The following MRPL4 variants were observed in gnomAD, a reference collection of about 807,000 sequenced individuals.
The protein encoded by MRPL4 is large ribosomal subunit protein uL4m.
MRPL4 carries 34 observed loss-of-function variants against 34.1 expected under a neutral mutation model. That is an observed-to-expected ratio of 1.00 (90% confidence interval 0.76 to 1.33). The LOEUF (loss-of-function observed/expected upper bound fraction) is 1.33, where lower values mean the gene tolerates loss of function less well. MRPL4 is among the 40% of genes most tolerant of loss of function. The probability of loss-of-function intolerance (pLI) is 0.00; values close to 1 mark genes in which losing one functional copy is unlikely to be tolerated. For synonymous variants in MRPL4, 196 were observed against 188.3 expected, an observed-to-expected ratio of 1.04 and a Z score of -0.33; for missense variants, 402 against 434.6, an observed-to-expected ratio of 0.92 and a Z score of 0.67.
In MRPL4 at chr19:10,254,484, C is replaced by T. The variant is rs2039829818; in HGVS notation, c.276-105C>T. 4.5e-6 allele frequency: 6 copies of T among 1,340,018 alleles called. No homozygotes were observed. In the East Asian group the frequency reaches 7.1e-5, roughly 16 times the overall value. The allele number at this position is 1,340,018 out of a possible 1,614,324, so 83.0% of individuals were successfully genotyped here. A position where few individuals can be genotyped will look rare whatever the true frequency, so the allele number is the denominator to read the frequency against. On this transcript the variant is annotated intron_variant, in intron 3 of 8. Transcript: ENST00000253099. ...GGGTCAGTGAGGGGCAGAGGCAAATCGCCCAGGGCCCTGGAGGCAGAAGGG... is the reference window on the plus strand; with the variant it reads ...GGGTCAGTGAGGGGCAGAGGCAAATTGCCCAGGGCCCTGGAGGCAGAAGGG...
rs1337631966 is a variant in MRPL4, at chr19:10,258,596, G to A, written c.663-13G>A. The A allele has an allele frequency of 5.0e-6, 8 of 1,614,028 alleles. No individual in the cohort carries two copies. The highest frequency in any genetic ancestry group is 6.8e-6 in the Non-Finnish European group (8 of 1,180,038). On this transcript the variant is annotated splice_polypyrimidine_tract_variant and intron_variant, in intron 7 of 8. Coordinates refer to ENST00000253099, the MANE Select transcript of MRPL4 (RefSeq NM_015956.3). Reference sequence around the variant, plus strand: ...CTGAGGGTTCAACCCCCACTCCCTGGCCTCTCTTACAGAACACACGAGGAG... The same window carrying A: ...CTGAGGGTTCAACCCCCACTCCCTGACCTCTCTTACAGAACACACGAGGAG...
chr19:10,256,866 G>GGGGGGGGGGGGGGGGGGGGGT, intron 5 of MRPL4, 41 bp downstream of exon 5: 1 of 378,384 alleles, frequency 2.6e-6, no homozygotes, highest in Non-Finnish European at 5.0e-6. Flanking sequence ...GGGTGGGGGG[G>GGGGGGGGGGGGGGGGGGGGGT]CCAGGGAAGG....
chr19:10,257,353 C>G (rs1489999677), intron 5 of MRPL4, among the ~76,000 whole-genome samples: 1 of 152,116 alleles, frequency 6.6e-6, no homozygotes, highest in Non-Finnish European at 1.5e-5. Flanking sequence ...CAAGATGACT[C>G]AGGGTGGTGC....
chr19:10,257,614 C>G (rs1449055419), intron 5 of MRPL4, among the ~76,000 whole-genome samples: 2 of 152,146 alleles, frequency 1.3e-5, no homozygotes, highest in African/African-American at 2.4e-5. Flanking sequence ...ACACATGGTG[C>G]TTGCAGGGGT....
At chr19:10,259,387 A>T in intron 8 of MRPL4, 1 of 1,404,498 alleles carries the variant, frequency 7.1e-7, no homozygotes, top group Non-Finnish European at 9.2e-7. Context: ...CACAGGACCG[A>T]GCCTGGCTCT....
intron 4 of MRPL4, among the ~76,000 whole-genome samples, chr19:10,255,881 C>A (rs10401137): frequency 0.2 from 30,378 of 151,996 alleles, 3,228 homozygotes; most frequent in African/African-American, 0.24. Context: ...CACGGTGGCT[C>A]ACACCTGTAA....
intron 3 of MRPL4, 100 bp downstream of exon 3, chr19:10,252,801 G>A: frequency 1.4e-6 from 2 of 1,446,978 alleles, no homozygotes; most frequent in Non-Finnish European, 1.9e-6. Context: ...GGAAAGTGCT[G>A]TATTTCTACA....
rs1412196394 is a variant in MRPL4, at chr19:10,252,398, G to T, written c.59G>T (p.Gly20Val). The T allele has an allele frequency of 1.2e-6, 2 of 1,614,096 alleles. No homozygotes were observed. The highest frequency in any genetic ancestry group is 1.7e-6 in the Non-Finnish European group (2 of 1,179,970). ...CTCACTTTCGCCCAACCCTTGCAGG[G>T]CCTGAGTTCCCTGGCGGAAGAGGCA... is the stretch of plus-strand genomic sequence containing the variant. ...RAWLRPTGSQ[G>V]LSSLAEEAAR... The change falls in exon 2 of 9, where the codon GGC (glycine) becomes GTC (valine). Residue 20 changes from glycine (G) to valine (V), a missense_variant and splice_region_variant. Physicochemically the swap from Gly to Val is moderately radical, Grantham distance 109 (BLOSUM62 -3). Transcript: ENST00000253099.
At chr19:10,259,175 C>T (rs2039883336) in intron 8 of MRPL4, 11 of 1,249,284 alleles carry the variant, frequency 8.8e-6, no homozygotes, top group Non-Finnish European at 1.1e-5. Flanking sequence ...TCCACAGCCA[C>T]AAGATGGCGA....
At chr19:10,258,122 C>A (rs970279452) in intron 5 of MRPL4, 100 bp from the exon 6 acceptor site, 27 of 788,676 alleles carry the variant, frequency 3.4e-5, no homozygotes, top group Non-Finnish European at 5.0e-5. Flanking sequence ...TTCCTGGCAG[C>A]GCCCCCTCTC....
chr19:10,259,448 G>A, intron 8 of MRPL4, 169 bp from the exon 9 acceptor site: 1 of 1,430,688 alleles, frequency 7.0e-7, no homozygotes, highest in Non-Finnish European at 9.1e-7. Context: ...AGGCTTACAG[G>A]CAACAAGCGG....
At position 10,259,761 on chromosome 19, in the gene MRPL4, G is replaced by A. The variant is rs763787644; in HGVS notation, c.884G>A (p.Arg295Gln). The A allele has an allele frequency of 1.2e-5, 20 of 1,613,570 alleles. No individual in the cohort carries two copies. The East Asian group carries it at 1.8e-4, about 14-fold the overall frequency. ...PFSLPYSDFP[R>Q]PLPHATQGPA... ...AGCCTGCCCTACAGCGACTTCCCCC[G>A]ACCCCTACCCCACGCTACCCAGGGC... The change falls in exon 9 of 9, where the codon CGA becomes CAA. Residue 295 changes from arginine to glutamine, a missense_variant. By Grantham distance (43) the Arg-to-Gln change is conservative (BLOSUM62 1). Transcript: ENST00000253099.
At chr19:10,259,235 TC>T (rs2039884252) in intron 8 of MRPL4, 1 of 1,320,012 alleles carries the variant, frequency 7.6e-7, no homozygotes, top group East Asian at 3.0e-5. Flanking sequence ...CTCGCTGGCT[TC>T]CCCACCTCTC....
chr19:10,259,505 A>G (rs972122416), intron 8 of MRPL4, 112 bp from the exon 9 acceptor site: 1 of 1,499,808 alleles, frequency 6.7e-7, no homozygotes, highest in African/African-American at 1.4e-5. Flanking sequence ...AAGTCACACT[A>G]GACCACAGTG....
chr19:10,254,561 G>A (rs532594011), intron 3 of MRPL4, 28 bp from the exon 4 acceptor site: 4 of 1,612,716 alleles, frequency 2.5e-6, no homozygotes, highest in Non-Finnish European at 3.4e-6. Context: ...GCAGAGTTGG[G>A]CTTCTCATGT....
intron 3 of MRPL4, 52 bp downstream of exon 3, chr19:10,252,753 A>G: frequency 7.0e-6 from 11 of 1,570,026 alleles, no homozygotes; most frequent in Non-Finnish European, 9.5e-6. Context: ...GAAGAGCGGG[A>G]TTTCAGGAGT....
Position 10,255,043 on chromosome 19 carries a change from A to G in MRPL4, c.327+403A>G, listed in dbSNP as rs554464461. 664 of 157,042 alleles carry G rather than the reference A, an allele frequency of 4.2e-3. 3 individuals carry two copies. Among genetic ancestry groups the G allele is most frequent in the African/African-American group, 0.015 (635 of 41,648 alleles). 9.7% of individuals were successfully genotyped at this position (157,042 alleles called of 1,614,324 possible). A position where few individuals can be genotyped will look rare whatever the true frequency, so the allele number is the denominator to read the frequency against. On this transcript the variant is annotated intron_variant, in intron 4 of 8. Coordinates refer to ENST00000253099, the MANE Select transcript of MRPL4 (RefSeq NM_015956.3). ...GGTCTCAAACTCCTGACCTCAAGGA[A>G]CCTACCTGCCTTGGCCTCCCAAAGT...
At chr19:10,257,538 A>C (rs775301288) in intron 5 of MRPL4, among the ~76,000 whole-genome samples, 4 of 152,034 alleles carry the variant, frequency 2.6e-5, no homozygotes, top group Non-Finnish European at 5.9e-5. Flanking sequence ...GAATGGCATG[A>C]GGGCAGGGAC....
chr19:10,260,003 T>G lies in MRPL4; in HGVS notation c.*190T>G. The G allele has an allele frequency of 2.1e-6, 1 of 470,396 alleles. No individual in the cohort carries two copies. Among genetic ancestry groups the G allele is most frequent in the Non-Finnish European group, 3.7e-6 (1 of 269,594 alleles). The allele number at this position is 470,396 out of a possible 1,614,324, so 29.1% of individuals were successfully genotyped here. A position where few individuals can be genotyped will look rare whatever the true frequency, so the allele number is the denominator to read the frequency against. On this transcript the variant is annotated 3_prime_UTR_variant, in exon 9 of 9. Coordinates refer to ENST00000253099, the MANE Select transcript of MRPL4 (RefSeq NM_015956.3). ...AAGCCCAGACGGGCTTCTGCATCCA[T>G]TCCCTCTTTTTGTTTTTAAAATAAA...
Sources: allele counts gnomAD v4.1 joint callset (sites outside exome capture counted in the v4.1 genomes callset), GRCh38; gene constraint gnomAD v4.1.1; transcripts MANE v1.5; gene names NCBI Gene and HGNC (gene_info 2026-07-23, HGNC 2026-07-21).